Variants in LDLRAD4 observed in about 807,000 individuals in gnomAD.
LDLRAD4 encodes low density lipoprotein receptor class A domain containing 4, also known as low-density lipoprotein receptor class A domain-containing protein 4.
In LDLRAD4, 5 loss-of-function variants were observed where a neutral mutation model predicts 17.0. That is an observed-to-expected ratio of 0.29 (90% CI 0.15 to 0.62). LDLRAD4 has a LOEUF of 0.62. Among genes scored for constraint, LDLRAD4 ranks in the 20% least tolerant of loss-of-function variants. LDLRAD4 has a pLI of 0.84. For synonymous variants in LDLRAD4, 168 were observed against 171.8 expected (o/e 0.98, Z 0.17); for missense variants, 340 against 424.7 (o/e 0.80, Z 1.75).
intron 2 of LDLRAD4, among the ~76,000 whole-genome samples, chr18:13,434,637 T>G (rs1037549539): frequency 6.6e-6 from 1 of 152,208 alleles, no homozygotes; most frequent in Non-Finnish European, 1.5e-5. Context: ...TTCTAGTCTG[T>G]CAAAGTGTAG....
At chr18:13,254,498 T>C (rs1421812644) in intron 1 of LDLRAD4, among the ~76,000 whole-genome samples, 2 of 152,166 alleles carry the variant, frequency 1.3e-5, no homozygotes, top group African/African-American at 4.8e-5. Flanking sequence ...GTCGCTCAGC[T>C]GACCATGGGC....
intron 3 of LDLRAD4, among the ~76,000 whole-genome samples, chr18:13,547,253 C>G (rs2094378611): frequency 6.6e-6 from 1 of 152,226 alleles, no homozygotes; most frequent in Admixed American, 6.5e-5. Context: ...AAGTTACAGT[C>G]ACAGATTCTG....
At chr18:13,587,668 C>T (rs2094953708) in intron 3 of LDLRAD4, among the ~76,000 whole-genome samples, 1 of 152,200 alleles carries the variant, frequency 6.6e-6, no homozygotes, top group South Asian at 2.1e-4. Flanking sequence ...GATGGCTGGG[C>T]CTTGCATAGA....
At chr18:13,569,952 G>A (rs1398584699) in intron 3 of LDLRAD4, among the ~76,000 whole-genome samples, 1 of 152,152 alleles carries the variant, frequency 6.6e-6, no homozygotes, top group Non-Finnish European at 1.5e-5. Context: ...TTTATATTTA[G>A]TTTTTTGTTT....
In LDLRAD4 at chr18:13,493,132, G is replaced by T. The variant is rs538511266; in HGVS notation, c.181+54748G>T. On this transcript the variant is annotated intron_variant, in intron 3 of 5. Transcript: ENST00000359446. ...ATCTTGTCTTAAAAAAAAAGGAGAG[G>T]ATCAAAACACAATCCTTTATCTTCT... 2.0e-5 allele frequency among the ~76,000 whole-genome samples: 3 copies of T among 152,064 alleles called. No individual in the cohort carries two copies. In the South Asian group the frequency reaches 6.2e-4, roughly 32 times the overall value.
chr18:13,269,370 T>C (rs538523005), intron 1 of LDLRAD4, among the ~76,000 whole-genome samples: 2 of 152,326 alleles, frequency 1.3e-5, no homozygotes, highest in Admixed American at 1.3e-4. Context: ...GGTAATTTTT[T>C]AAAACACTGG....
chr18:13,465,057 G>T (rs933022916), intron 3 of LDLRAD4: 1 of 152,276 alleles, frequency 6.6e-6, no homozygotes, highest in Non-Finnish European at 1.5e-5. Flanking sequence ...CGAGGCCGCA[G>T]AGCTAAATGG....
At chr18:13,304,290 T>C (rs924117658) in intron 1 of LDLRAD4, among the ~76,000 whole-genome samples, 2 of 152,172 alleles carry the variant, frequency 1.3e-5, no homozygotes, top group Non-Finnish European at 2.9e-5. Flanking sequence ...TGTGACTGTA[T>C]GGTGTGGGCA....
rs879556881 is a variant in LDLRAD4 at position 13,270,356 on chromosome 18, TA to T, written c.-466-7736del. ...ATCTAGCCTGGGTGACTCTGTCTCT[TA>T]AAAAAAAAAAAAGAAAAGGAAAAAA... On this transcript the variant is annotated intron_variant, in intron 1 of 5. Transcript: ENST00000399848. Among the ~76,000 whole-genome samples the T allele has an allele frequency of 7.7e-3, 1,065 of 139,052 alleles. 4 individuals are homozygous for T. The highest frequency in any genetic ancestry group is 0.017 in the African/African-American group (653 of 37,778). The allele number at this position is 139,052 out of a possible 152,430, so 91.2% of individuals were successfully genotyped here. A position where few individuals can be genotyped will look rare whatever the true frequency, so the allele number is the denominator to read the frequency against.
At chr18:13,493,061 G>A (rs752225597) in intron 3 of LDLRAD4, among the ~76,000 whole-genome samples, 2 of 152,128 alleles carry the variant, frequency 1.3e-5, no homozygotes, top group Non-Finnish European at 2.9e-5. Context: ...TGAGGCTGCA[G>A]CGAGCTGTGA....
intron 2 of LDLRAD4, among the ~76,000 whole-genome samples, chr18:13,388,605 A>G (rs999815251): frequency 2.6e-5 from 4 of 152,188 alleles, no homozygotes; most frequent in African/African-American, 9.7e-5. Context: ...AGCTTTTCAG[A>G]TTTTGTGGAG....
intron 3 of LDLRAD4, among the ~76,000 whole-genome samples, chr18:13,604,761 A>G (rs2095203841): frequency 1.3e-5 from 2 of 152,192 alleles, no homozygotes; most frequent in Non-Finnish European, 2.9e-5. Context: ...TATAGGAAAA[A>G]CATGTTTCAC....
intron 2 of LDLRAD4, among the ~76,000 whole-genome samples, chr18:13,421,617 G>A (rs747670022): frequency 4.6e-5 from 7 of 152,168 alleles, no homozygotes; most frequent in Admixed American, 1.3e-4. Flanking sequence ...TGGCCTTCAC[G>A]CGTCAGAAGG....
chr18:13,541,445 C>A (rs1446173568), intron 3 of LDLRAD4, among the ~76,000 whole-genome samples: 1 of 152,182 alleles, frequency 6.6e-6, no homozygotes, highest in Non-Finnish European at 1.5e-5. Context: ...AGGGTGTGCA[C>A]ACTTGGGTGT....
chr18:13,621,349 G>A lies in LDLRAD4; in HGVS notation c.336+78G>A. 8.5e-7 allele frequency: 1 copy of A among 1,173,050 alleles called. No homozygotes were observed. The highest frequency in any genetic ancestry group is 1.2e-6 in the Non-Finnish European group (1 of 800,826). 72.7% of individuals were successfully genotyped at this position (1,173,050 alleles called of 1,614,324 possible). ...GGAGCCCATCAGGGTTCAGAGGCCG[G>A]GAGTGCTTTCAGTTGACATGTAACA... On this transcript the variant is annotated intron_variant, in intron 4 of 5. Transcript: ENST00000359446. This position sits in a 1 kb window ranked among gnomAD's most constrained non-coding sequence, Gnocchi z 5.5.
chr18:13,322,210 A>G (rs1033554726), intron 1 of LDLRAD4, among the ~76,000 whole-genome samples: 1 of 151,168 alleles, frequency 6.6e-6, no homozygotes, highest in African/African-American at 2.4e-5. Flanking sequence ...TTATGTAAGG[A>G]CTTTTACTTC....
At chr18:13,535,755 C>A (rs1016832897) in intron 3 of LDLRAD4, among the ~76,000 whole-genome samples, 3 of 152,012 alleles carry the variant, frequency 2.0e-5, no homozygotes, top group African/African-American at 7.3e-5. Flanking sequence ...AGATTTTCTC[C>A]CATGTTTTCT....
chr18:13,449,466 A>C (rs1045006884), intron 3 of LDLRAD4, among the ~76,000 whole-genome samples: 3 of 152,214 alleles, frequency 2.0e-5, no homozygotes, highest in Non-Finnish European at 4.4e-5. Context: ...CATAAAGTGC[A>C]TCTCCCCATT....
At chr18:13,646,170 G>A (rs1395164647) in exon 6 of LDLRAD4, 4 of 152,794 alleles carry the variant, frequency 2.6e-5, no homozygotes, top group Non-Finnish European at 4.4e-5. Flanking sequence ...GTGTGCCAAG[G>A]TATAAAGTGG....
Sources: allele counts gnomAD v4.1 joint callset (sites outside exome capture counted in the v4.1 genomes callset), GRCh38; gene constraint gnomAD v4.1.1; non-coding constraint Gnocchi (gnomAD v3.1); transcripts MANE v1.5; gene names NCBI Gene and HGNC (gene_info 2026-07-23, HGNC 2026-07-21).